CCNB3: variants seen among roughly 807,000 people sequenced by gnomAD.
CCNB3 encodes the protein cyclin B3, also known as G2/mitotic-specific cyclin-B3.
Under a neutral mutation model 68.0 loss-of-function variants are expected in CCNB3, and 12 were observed. The ratio of observed to expected loss-of-function variants is 0.18; its 90% confidence interval spans 0.11 to 0.29. The LOEUF is 0.29. Among genes scored for constraint, CCNB3 ranks in the 10% least tolerant of loss-of-function variants. The pLI is 1.00. For synonymous variants in CCNB3, 354 were observed against 388.9 expected, an observed-to-expected ratio of 0.91 and a Z score of 1.06; for missense variants, 904 against 993.1, an observed-to-expected ratio of 0.91 and a Z score of 1.21.
At chrX:50,224,665 T>A (rs999818843) in intron 1 of CCNB3, among the ~76,000 whole-genome samples, 12,983 of 111,319 alleles carry the variant, frequency 0.12, 1,846 homozygotes, top group African/African-American at 0.4. Flanking sequence ...ACTTGTGTTA[T>A]TGCTACATTT....
intron 1 of CCNB3, among the ~76,000 whole-genome samples, chrX:50,226,178 T>A (rs1273012045): frequency 8.2e-5 from 4 of 48,657 alleles, no homozygotes; most frequent in Non-Finnish European, 1.5e-4. Flanking sequence ...AATATACATA[T>A]ATAGATATAT....
chrX:50,341,934 G>A, intron 8 of CCNB3: 1 of 284,437 alleles, frequency 3.5e-6, no homozygotes, highest in East Asian at 7.3e-5. Context: ...GTCCACTCAA[G>A]GCTCTCATAG....
intron 9 of CCNB3, 149 bp from the exon 10 acceptor site, chrX:50,346,503 C>T: frequency 1.8e-6 from 1 of 550,743 alleles, no homozygotes. Context: ...TCTGATGAGC[C>T]ACTCACATCA....
intron 8 of CCNB3, among the ~76,000 whole-genome samples, chrX:50,339,790 A>G (rs1331740560): frequency 9.0e-6 from 1 of 111,466 alleles, no homozygotes; most frequent in African/African-American, 3.3e-5. Flanking sequence ...AAGCAGGGGC[A>G]AGGGGGTGGG....
chrX:50,317,575 T>G (rs28874106), intron 8 of CCNB3, among the ~76,000 whole-genome samples: 1 of 12,219 alleles, frequency 8.2e-5, no homozygotes, highest in Non-Finnish European at 1.8e-4. Flanking sequence ...ATGTATTTAT[T>G]TATTTATTTA....
rs1921321105 is a variant in CCNB3, at chrX:50,309,917, A to G, written c.1748A>G (p.Lys583Arg). 2.5e-6 allele frequency: 3 copies of G among 1,209,235 alleles called. No individual in the cohort carries two copies. The highest frequency in any genetic ancestry group is 3.4e-6 in the Non-Finnish European group (3 of 894,446). Residue 583 changes from lysine to arginine, a missense_variant, in exon 6 of 13, where the codon AAG becomes AGG. This residue lies in a region of CCNB3 where 619 missense variants were observed against 609.8 expected (regional missense o/e 1.02). Coordinates refer to ENST00000376042, the MANE Select transcript of CCNB3 (RefSeq NM_033031.3). ...NPTTEETVLT[K>R]TSLSLQEKKI... ...ACAACTGAGGAGACAGTACTTACCA[A>G]GACATCGTTGTCTTTACAGGAAAAG... is the stretch of plus-strand genomic sequence containing the variant.
intron 8 of CCNB3, among the ~76,000 whole-genome samples, chrX:50,338,002 A>T (rs1441473386): frequency 8.9e-6 from 1 of 112,198 alleles, no homozygotes; most frequent in Non-Finnish European, 1.9e-5. Context: ...CAAGTTCCAG[A>T]TGTCCAGACT....
intron 1 of CCNB3, among the ~76,000 whole-genome samples, chrX:50,279,136 T>C (rs1277266776): frequency 1.8e-5 from 1 of 55,207 alleles, no homozygotes; most frequent in Non-Finnish European, 3.0e-5. Flanking sequence ...ATTATATTCA[T>C]ATATAAATAT....
chrX:50,325,775 A>ATG (rs1922265758), intron 8 of CCNB3, among the ~76,000 whole-genome samples: 1 of 111,173 alleles, frequency 9.0e-6, no homozygotes, highest in Admixed American at 9.5e-5. Context: ...GTTCATATAT[A>ATG]TGTGTGTGTG....
At chrX:50,288,682 G>T (rs1310175780) in intron 3 of CCNB3, 98 bp from the exon 4 acceptor site, 6 of 509,084 alleles carry the variant, frequency 1.2e-5, no homozygotes, top group Non-Finnish European at 2.0e-5. Context: ...CAGTTACTCT[G>T]AGGTTCTGGA....
intron 1 of CCNB3, among the ~76,000 whole-genome samples, chrX:50,225,311 A>G (rs1935735464): frequency 9.0e-6 from 1 of 111,423 alleles, no homozygotes; most frequent in South Asian, 3.8e-4. Flanking sequence ...AGAGTTTGGT[A>G]AATTCAAATA....
In CCNB3 at chrX:50,208,286, C is replaced by T. The variant is rs782564420; in HGVS notation, c.-113+3336C>T. 5.7e-4 allele frequency among the ~76,000 whole-genome samples: 64 copies of T among 112,076 alleles called. 1 individual carries two copies. The highest frequency in any genetic ancestry group is 2.0e-3 in the African/African-American group (61 of 30,873). ...GGGAACCCTCCCCAAATCCAAGTTT[C>T]CAGATACTAGCCAAGGGCCAACCTT... On this transcript the variant is annotated intron_variant, in intron 1 of 12. Transcript: ENST00000376042.
chrX:50,314,064 C>G, intron 8 of CCNB3, 116 bp downstream of exon 8: 1 of 491,169 alleles, frequency 2.0e-6, no homozygotes, highest in Non-Finnish European at 3.5e-6. Flanking sequence ...AGCTGTGGTT[C>G]CTGCCCTCAA....
intron 8 of CCNB3, among the ~76,000 whole-genome samples, chrX:50,332,278 A>T (rs1922634622): frequency 9.0e-6 from 1 of 111,483 alleles, no homozygotes; most frequent in African/African-American, 3.3e-5. Flanking sequence ...GAGGGGTCAT[A>T]ACACACATCT....
intron 8 of CCNB3, among the ~76,000 whole-genome samples, chrX:50,327,018 C>G (rs73495668): frequency 8.9e-6 from 1 of 112,107 alleles, no homozygotes; most frequent in African/African-American, 3.2e-5. Context: ...CATCTCTAGA[C>G]AGGGAAAGCA....
chrX:50,301,929 G>A (rs1421016253), intron 5 of CCNB3, among the ~76,000 whole-genome samples: 1 of 112,676 alleles, frequency 8.9e-6, no homozygotes, highest in African/African-American at 3.2e-5. Flanking sequence ...AGGACCCTCC[G>A]AGCCATGTGC....
chrX:50,343,900 G>A (rs782664906), intron 9 of CCNB3, among the ~76,000 whole-genome samples: 119 of 111,500 alleles, frequency 1.1e-3, no homozygotes, highest in Non-Finnish European at 1.2e-3. Context: ...ATTTAGTGTC[G>A]CCTAATTGTA....
intron 5 of CCNB3, among the ~76,000 whole-genome samples, chrX:50,301,386 T>G (rs1936628981): frequency 1.8e-5 from 2 of 112,272 alleles, no homozygotes; most frequent in African/African-American, 6.5e-5. Flanking sequence ...TGTTGGAGTT[T>G]GCTGGAGGTC....
At chrX:50,344,824 C>G (rs73497504) in intron 9 of CCNB3, among the ~76,000 whole-genome samples, 2,584 of 111,735 alleles carry the variant, frequency 0.023, 62 homozygotes, top group African/African-American at 0.081. Context: ...CATAATCCAT[C>G]TAACTAACCT....
Sources: allele counts gnomAD v4.1 joint callset (sites outside exome capture counted in the v4.1 genomes callset), GRCh38; gene constraint gnomAD v4.1.1; regional missense constraint gnomAD v4.1.1; transcripts MANE v1.5; gene names NCBI Gene and HGNC (gene_info 2026-07-23, HGNC 2026-07-21).